The following ABTB2 variants were observed in gnomAD, a reference collection of about 807,000 sequenced individuals.
ABTB2 encodes ankyrin repeat and BTB/POZ domain-containing protein 2.
Under a neutral mutation model 104.1 loss-of-function variants are expected in ABTB2, and 56 were observed. The observed-to-expected ratio is 0.54, with a 90% CI of 0.43 to 0.67. The LOEUF (loss-of-function observed/expected upper bound fraction) is 0.67, where lower values mean the gene tolerates loss of function less well. ABTB2 is among the 30% of genes least tolerant of loss of function. The pLI, the probability that ABTB2 is intolerant of heterozygous loss-of-function variation, is 0.00. For missense variants in ABTB2, 1,279 were observed against 1,407.7 expected, an observed-to-expected ratio of 0.91 and a Z score of 1.46; for synonymous variants, 606 against 608.2, an observed-to-expected ratio of 1.00 and a Z score of 0.05.
intron 2 of ABTB2, among the ~76,000 whole-genome samples, chr11:34,198,457 A>C (rs570828299): frequency 1.1e-4 from 17 of 149,438 alleles, no homozygotes; most frequent in African/African-American, 3.8e-4. Context: ...ACAACAACAA[A>C]AAAAAACAAA....
intron 1 of ABTB2, among the ~76,000 whole-genome samples, chr11:34,307,556 A>G (rs562626577): frequency 3.9e-5 from 6 of 152,342 alleles, no homozygotes; most frequent in Non-Finnish European, 7.3e-5. Flanking sequence ...GACCCTGTTC[A>G]TGGCTCTCCG....
At chr11:34,155,035 C>T (rs538419151) in intron 14 of ABTB2, among the ~76,000 whole-genome samples, 6 of 152,342 alleles carry the variant, frequency 3.9e-5, no homozygotes, top group South Asian at 4.1e-4. Context: ...CATGAGAACA[C>T]GGTGAGCCCA....
At chr11:34,269,288 G>A (rs1224429338) in intron 1 of ABTB2, among the ~76,000 whole-genome samples, 2 of 152,188 alleles carry the variant, frequency 1.3e-5, no homozygotes, top group East Asian at 3.8e-4. Flanking sequence ...AATTAAACTG[G>A]GAGAAATTCC....
At chr11:34,332,212 T>G (rs1401301960) in intron 1 of ABTB2, among the ~76,000 whole-genome samples, 1 of 152,218 alleles carries the variant, frequency 6.6e-6, no homozygotes, top group Admixed American at 6.5e-5. Context: ...TGTAAATGCA[T>G]GTGATGTGGC....
intron 1 of ABTB2, among the ~76,000 whole-genome samples, chr11:34,218,181 T>TA (rs1201156647): frequency 6.6e-6 from 1 of 152,260 alleles, no homozygotes; most frequent in African/African-American, 2.4e-5. Flanking sequence ...CATATTATTT[T>TA]AGGTAGCAAT....
chr11:34,211,141 TTC>T (rs1231039400), intron 1 of ABTB2, among the ~76,000 whole-genome samples: 1 of 152,156 alleles, frequency 6.6e-6, no homozygotes. Flanking sequence ...CGAGGTTTTA[TTC>T]TGTCACCCAA....
chr11:34,169,634 C>T (rs954817819), intron 5 of ABTB2, among the ~76,000 whole-genome samples: 4 of 152,138 alleles, frequency 2.6e-5, no homozygotes, highest in African/African-American at 7.2e-5. Context: ...CCACAAAGCC[C>T]GGGAACCTGT....
intron 5 of ABTB2, among the ~76,000 whole-genome samples, chr11:34,169,343 C>T (rs747445001): frequency 6.6e-6 from 1 of 152,118 alleles, no homozygotes; most frequent in South Asian, 2.1e-4. Context: ...AACAGCAATA[C>T]GACTACAATA....
Position 34,154,341 on chromosome 11 carries a change from A to G in ABTB2, c.2804T>C (p.Leu935Pro). ...SAASLFQLDALQRHCEILCSQ... is the reference protein window; with the variant it reads ...SAASLFQLDAPQRHCEILCSQ... The stretch of plus-strand genomic sequence containing the variant: ...GCACAGGATCTCGCAGTGCCTCTGC[A>G]GGGCATCCAGCTGGAACAGGCTGGC... The change falls in exon 16 of 17, where the codon CTG becomes CCG. Residue 935 changes from leucine to proline, a missense_variant. Leu to Pro is a moderately conservative substitution (Grantham distance 98, BLOSUM62 -3). Transcript: ENST00000435224. This position sits in a 1 kb window ranked among gnomAD's most constrained non-coding sequence, Gnocchi z 4.9. 2 of 1,613,854 alleles carry G rather than the reference A, an allele frequency of 1.2e-6. No individual in the cohort carries two copies. The highest frequency in any genetic ancestry group is 1.7e-4 in the Middle Eastern group (1 of 6,000).
chr11:34,274,032 G>A (rs1429302599), intron 1 of ABTB2, among the ~76,000 whole-genome samples: 1 of 150,252 alleles, frequency 6.7e-6, no homozygotes, highest in African/African-American at 2.5e-5. Flanking sequence ...GGCGCCTGTA[G>A]TCCCAGCTAC....
At position 34,197,452 on chromosome 11, in the gene ABTB2, G is replaced by A; in HGVS notation, c.1117C>T (p.Pro373Ser). Residue 373 changes from proline to serine, a missense_variant, in exon 3 of 17, where the codon CCG (proline) becomes TCG (serine). Pro to Ser is a moderately conservative substitution (Grantham distance 74, BLOSUM62 -1). Transcript: ENST00000435224. ...GASPARQARQ[P>S]PQPITWSPDA... is the part of the protein sequence containing the mutation. ...GGGGACCAAGTGATGGGCTGTGGCG[G>A]CTGGCGGGCCTGGCGGGCAGGGCTG... 3 of 1,598,430 alleles carry A rather than the reference G, an allele frequency of 1.9e-6. No homozygotes were observed. Among genetic ancestry groups the A allele is most frequent in the Non-Finnish European group, 2.6e-6 (3 of 1,171,356 alleles).
chr11:34,315,389 G>T (rs951459684), intron 1 of ABTB2, among the ~76,000 whole-genome samples: 3 of 152,206 alleles, frequency 2.0e-5, no homozygotes, highest in African/African-American at 7.2e-5. Context: ...CTGACATGGG[G>T]CTCTGAGGGT....
At chr11:34,223,904 T>C (rs565691120) in intron 1 of ABTB2, among the ~76,000 whole-genome samples, 1 of 152,276 alleles carries the variant, frequency 6.6e-6, no homozygotes, top group East Asian at 1.9e-4. Flanking sequence ...TAAACCCAGC[T>C]CCAGTCTCAG....
intron 3 of ABTB2, among the ~76,000 whole-genome samples, chr11:34,192,376 G>T (rs1853190157): frequency 6.6e-6 from 1 of 152,246 alleles, no homozygotes; most frequent in Non-Finnish European, 1.5e-5. Context: ...TAAATGACTG[G>T]TTGAAGGTTA....
rs1397350742 is a variant in ABTB2, at chr11:34,258,067, GGCAGTTCTCTAATGACCCCT to G, written c.884-53397_884-53378del. The stretch of plus-strand genomic sequence containing the variant: ...CCAGGCAGGGGCAGCAGAGCCTTCA[GGCAGTTCTCTAATGACCCCT>G]GCAACTCCACTGTCAGGACCCGCCT... On this transcript the variant is annotated intron_variant, in intron 1 of 16. Coordinates refer to ENST00000435224, the MANE Select transcript of ABTB2 (RefSeq NM_145804.3). Among the ~76,000 whole-genome samples the G allele has an allele frequency of 3.3e-5, 5 of 152,276 alleles. No individual in the cohort carries two copies. The East Asian group carries it at 9.6e-4, about 29-fold the overall frequency.
chr11:34,190,357 G>A (rs940865518), intron 3 of ABTB2, among the ~76,000 whole-genome samples: 8 of 150,042 alleles, frequency 5.3e-5, no homozygotes, highest in African/African-American at 1.7e-4. Context: ...GGCTGGGATT[G>A]GAATCCAGGC....
At chr11:34,171,093 G>A (rs1045862366) in intron 4 of ABTB2, 22 bp from the exon 5 acceptor site, 1 of 1,611,464 alleles carries the variant, frequency 6.2e-7, no homozygotes, top group Non-Finnish European at 8.5e-7. Context: ...AGACCCAAAG[G>A]TGCGTGTGAC....
chr11:34,172,393 A>AATAT (rs1565131591), intron 4 of ABTB2, among the ~76,000 whole-genome samples: 1 of 28,168 alleles, frequency 3.6e-5, no homozygotes, highest in African/African-American at 1.0e-4. Context: ...AAAAAAAAAA[A>AATAT]AAATATATAT....
Position 34,162,711 on chromosome 11 carries a change from C to T in ABTB2, c.2083G>A (p.Asp695Asn), listed in dbSNP as rs751589092. 2 of 1,612,484 alleles carry T rather than the reference C, an allele frequency of 1.2e-6. No individual in the cohort carries two copies. The highest frequency in any genetic ancestry group is 1.7e-6 in the Non-Finnish European group (2 of 1,180,036). Residue 695 changes from aspartate to asparagine, a missense_variant, in exon 10 of 17, where the codon GAT becomes AAT. Asp to Asn is a conservative substitution (Grantham distance 23). Transcript: ENST00000435224. ...CTGCCACTGCCCTGGCTCGACGCAT[C>T]ACTTTCCTCCACACCCTCGGCCAGG... Reference protein sequence around the residue: ...EILAEGVEESDASSQGSGSEG... With the variant: ...EILAEGVEESNASSQGSGSEG...
Sources: gnomAD v4.1 joint callset for allele counts (sites outside exome capture counted in the v4.1 genomes callset) on GRCh38, gnomAD v4.1.1 for gene constraint, Gnocchi (gnomAD v3.1) non-coding constraint, MANE v1.5 for transcripts, NCBI Gene and HGNC (gene_info 2026-07-23, HGNC 2026-07-21) for gene names.